DCAF6: variants seen among roughly 807,000 people sequenced by gnomAD.
The protein encoded by DCAF6 is DDB1- and CUL4-associated factor 6.
DCAF6 carries 54 observed loss-of-function variants against 125.1 expected under a neutral mutation model. That is an observed-to-expected ratio of 0.43 (90% CI 0.35 to 0.54). The LOEUF is 0.54. Among genes scored for constraint, DCAF6 ranks in the 20% least tolerant of loss-of-function variants. The pLI is 0.01. For synonymous variants in DCAF6, 371 were observed against 390.4 expected, an observed-to-expected ratio of 0.95 and a Z score of 0.58; for missense variants, 934 against 1,161.7, an observed-to-expected ratio of 0.80 and a Z score of 2.85.
chr1:168,003,887 G>A lies in DCAF6; in HGVS notation c.1015G>A (p.Val339Met), dbSNP rs769581421. ...RERDGEQSPN[V>M]SLMQRMSDML... The stretch of plus-strand genomic sequence containing the variant: ...TGTAATAGGAGAGCAGAGTCCCAAT[G>A]TGTCATTGATGCAGAGAATGTCTGA... The change falls in exon 9 of 22, where the codon GTG becomes ATG. Residue 339 changes from valine (V) to methionine (M), a missense_variant. Coordinates refer to ENST00000367840, the MANE Select transcript of DCAF6 (RefSeq NM_001198956.2). The A allele has an allele frequency of 1.2e-6, 2 of 1,610,732 alleles. No individual in the cohort carries two copies. The highest frequency in any genetic ancestry group is 1.7e-6 in the Non-Finnish European group (2 of 1,178,850).
chr1:167,994,895 G>T (rs1244218282), intron 7 of DCAF6, among the ~76,000 whole-genome samples: 5 of 151,950 alleles, frequency 3.3e-5, no homozygotes, highest in African/African-American at 4.8e-5. Context: ...AGTGATTTTG[G>T]AATTCCTACG....
chr1:167,909,482 G>A, the DCAF6 span, among the ~76,000 whole-genome samples: 6 of 152,104 alleles, frequency 3.9e-5, no homozygotes, highest in African/African-American at 7.2e-5. Context: ...GGCCACATGC[G>A]GTCCAGGATG....
At chr1:167,933,322 T>C (rs551625558), upstream of DCAF6, among the ~76,000 whole-genome samples, 1 of 152,126 alleles carries the variant, frequency 6.6e-6, no homozygotes, top group East Asian at 1.9e-4. Flanking sequence ...CACCCGCCAC[T>C]ACACCCGGCT....
At chr1:168,043,389 A>G (rs568911619) in intron 14 of DCAF6, among the ~76,000 whole-genome samples, 1 of 152,276 alleles carries the variant, frequency 6.6e-6, no homozygotes, top group East Asian at 1.9e-4. Flanking sequence ...TCATCATACT[A>G]TAAATGGATG....
At chr1:168,063,939 AT>A in intron 18 of DCAF6, 180 bp downstream of exon 18, 3 of 500,722 alleles carry the variant, frequency 6.0e-6, no homozygotes, top group African/African-American at 2.0e-5. Flanking sequence ...AAAGATCATT[AT>A]TTTTTACAAG....
chr1:167,952,947 A>G (rs1674200584), intron 2 of DCAF6, among the ~76,000 whole-genome samples: 1 of 152,034 alleles, frequency 6.6e-6, no homozygotes, highest in Non-Finnish European at 1.5e-5. Context: ...TTTCTTTTCT[A>G]TTTTATTTTC....
At chr1:168,014,034 C>CT (rs1684641576) in intron 10 of DCAF6, among the ~76,000 whole-genome samples, 1 of 152,110 alleles carries the variant, frequency 6.6e-6, no homozygotes, top group African/African-American at 2.4e-5. Context: ...TCACGGTGCC[C>CT]TTCCTGCCTT....
the DCAF6 span, among the ~76,000 whole-genome samples, chr1:167,930,724 C>T: frequency 6.6e-6 from 1 of 152,178 alleles, no homozygotes; most frequent in Non-Finnish European, 1.5e-5. Context: ...TTTCTTTGAT[C>T]CTAGTCCTCT....
intron 13 of DCAF6, 65 bp downstream of exon 13, chr1:168,038,553 T>G: frequency 1.7e-6 from 2 of 1,159,164 alleles, no homozygotes; most frequent in East Asian, 4.9e-5. Flanking sequence ...ATTTTAATTT[T>G]TAACACTTCG....
chr1:167,947,644 T>A (rs2102681989), intron 1 of DCAF6, among the ~76,000 whole-genome samples: 1 of 152,286 alleles, frequency 6.6e-6, no homozygotes, highest in Middle Eastern at 3.4e-3. Flanking sequence ...TTCAGGAGCA[T>A]GTTGTTTAAT....
At chr1:168,010,144 G>A (rs1684080873) in intron 10 of DCAF6, among the ~76,000 whole-genome samples, 2 of 152,058 alleles carry the variant, frequency 1.3e-5, no homozygotes, top group Admixed American at 1.3e-4. Context: ...TTATCATTTT[G>A]GATCCATTGT....
At chr1:167,871,471 G>A in the DCAF6 span, among the ~76,000 whole-genome samples, 1,610 of 152,260 alleles carry the variant, frequency 0.011, 11 homozygotes, top group Admixed American at 0.016. Context: ...TATTTTTCTT[G>A]TGTGTTTTTA....
At chr1:168,034,566 T>C (rs1186916841) in intron 12 of DCAF6, among the ~76,000 whole-genome samples, 1 of 152,222 alleles carries the variant, frequency 6.6e-6, no homozygotes, top group Non-Finnish European at 1.5e-5. Context: ...TTAAGCTTAT[T>C]GTTTTCAGTT....
chr1:167,951,972 G>T, intron 2 of DCAF6, 111 bp downstream of exon 2: 1 of 609,164 alleles, frequency 1.6e-6, no homozygotes, highest in Non-Finnish European at 2.8e-6. Context: ...TAAAATGGGA[G>T]AATAAAGTTT....
chr1:168,048,289 G>C (rs1199353861), intron 16 of DCAF6, among the ~76,000 whole-genome samples: 1 of 152,122 alleles, frequency 6.6e-6, no homozygotes, highest in Non-Finnish European at 1.5e-5. Context: ...TATTAGTTTA[G>C]CTGGGGTAGA....
In DCAF6 at chr1:167,980,916, C is replaced by CTTTTTTTTTTTT. The variant is rs71100920; in HGVS notation, c.438+5909_438+5920dup. The stretch of plus-strand genomic sequence containing the variant: ...GTCATGAAGCTTTTCTCTGAATTTT[C>CTTTTTTTTTTTT]TTTTTTTTTTTTTTTTTTTGAGCTC... On this transcript the variant is annotated intron_variant, in intron 4 of 21. Coordinates refer to ENST00000367840, the MANE Select transcript of DCAF6 (RefSeq NM_001198956.2). 8.8e-5 allele frequency among the ~76,000 whole-genome samples: 10 copies of CTTTTTTTTTTTT among 113,598 alleles called. 1 individual carries two copies. The highest frequency in any genetic ancestry group is 1.1e-4 in the Non-Finnish European group (6 of 55,868). The allele number at this position is 113,598 out of a possible 152,430, so 74.5% of individuals were successfully genotyped here.
chr1:167,971,851 T>C (rs1677358707), intron 3 of DCAF6, among the ~76,000 whole-genome samples: 1 of 152,134 alleles, frequency 6.6e-6, no homozygotes, highest in Non-Finnish European at 1.5e-5. Flanking sequence ...AAAGTTATTA[T>C]TGTTATTGTA....
At chr1:167,960,669 A>C (rs1381193694) in intron 2 of DCAF6, among the ~76,000 whole-genome samples, 1 of 152,106 alleles carries the variant, frequency 6.6e-6, no homozygotes, top group Non-Finnish European at 1.5e-5. Flanking sequence ...GTTTAATTCC[A>C]TTGTGGTCTA....
At chr1:167,880,693 C>A in the DCAF6 span, 5 of 1,061,416 alleles carry the variant, frequency 4.7e-6, no homozygotes, top group East Asian at 1.2e-4. Context: ...AGAGAGCCGG[C>A]GGCAATTTTT....
Sources: gnomAD v4.1 joint callset for allele counts (sites outside exome capture counted in the v4.1 genomes callset) on GRCh38, gnomAD v4.1.1 for gene constraint, MANE v1.5 for transcripts, NCBI Gene and HGNC (gene_info 2026-07-23, HGNC 2026-07-21) for gene names.